The following NPLOC4 variants were observed in gnomAD, a reference collection of about 807,000 sequenced individuals.
The protein encoded by NPLOC4 is NPL4 homolog, ubiquitin recognition factor, also known as nuclear protein localization protein 4 homolog.
Under a neutral mutation model 80.6 loss-of-function variants are expected in NPLOC4, and 18 were observed. That is an observed-to-expected ratio of 0.22 (90% CI 0.15 to 0.33). The LOEUF (loss-of-function observed/expected upper bound fraction) is 0.33. NPLOC4 is among the 10% of genes least tolerant of loss of function. The probability of loss-of-function intolerance (pLI) is 1.00; values close to 1 mark genes in which losing one functional copy is unlikely to be tolerated. For synonymous variants in NPLOC4, 313 were observed against 301.5 expected (o/e 1.04, Z -0.39); for missense variants, 540 against 786.1 (o/e 0.69, Z 3.74).
In NPLOC4 at chr17:81,604,705, A is replaced by G. The variant is rs773073367; in HGVS notation, c.677T>C (p.Ile226Thr). 2 of 1,613,446 alleles carry G rather than the reference A, an allele frequency of 1.2e-6. No individual in the cohort carries two copies. The highest frequency in any genetic ancestry group is 1.7e-6 in the Non-Finnish European group (2 of 1,179,644). The change falls in exon 8 of 17, where the codon ATC becomes ACC. Residue 226 changes from isoleucine to threonine, a missense_variant. Ile to Thr is a moderately conservative substitution (Grantham distance 89). Transcript: ENST00000331134. ...NRQKYRHVDN[I>T]MFENHTVADR... ...AGCGACGGTGTGATTCTCAAACATG[A>G]TATTGTCCACATGCCTGTACTTCTG...
intron 3 of NPLOC4, among the ~76,000 whole-genome samples, chr17:81,615,044 C>T (rs1361310148): frequency 6.6e-6 from 1 of 151,538 alleles, no homozygotes; most frequent in African/African-American, 2.4e-5. Context: ...CCTCTTCCTC[C>T]CTAATTTGGG....
intron 11 of NPLOC4, among the ~76,000 whole-genome samples, 182 bp downstream of exon 11, chr17:81,595,934 A>G (rs2034897774): frequency 9.6e-6 from 1 of 104,126 alleles, no homozygotes; most frequent in Non-Finnish European, 2.2e-5. Flanking sequence ...TTGTGTTTAT[A>G]TAGTTTTATG....
chr17:81,581,346 C>T (rs1262069996), intron 12 of NPLOC4, among the ~76,000 whole-genome samples: 4 of 38,968 alleles, frequency 1.0e-4, no homozygotes, highest in Non-Finnish European at 1.4e-4. Context: ...CAGACTCCAA[C>T]GCAAAAAAAA....
At chr17:81,597,910 T>A (rs9913794) in intron 9 of NPLOC4, among the ~76,000 whole-genome samples, 2 of 149,800 alleles carry the variant, frequency 1.3e-5, no homozygotes, top group Admixed American at 6.7e-5. Context: ...CTGGCTAACA[T>A]GGTGAAATCC....
At chr17:81,585,665 G>C (rs536248068) in intron 12 of NPLOC4, among the ~76,000 whole-genome samples, 5 of 147,286 alleles carry the variant, frequency 3.4e-5, no homozygotes, top group Admixed American at 7.0e-5. Flanking sequence ...CATTTCTGGG[G>C]GGGGGGGGAA....
chr17:81,604,452 AAAC>A, intron 8 of NPLOC4, 93 bp downstream of exon 8: 1 of 1,162,194 alleles, frequency 8.6e-7, no homozygotes, highest in Non-Finnish European at 1.2e-6. Context: ...AAGGGGGAAC[AAAC>A]AACAAAGCGA....
In NPLOC4 at chr17:81,572,550, T is replaced by C. The variant is rs913440146; in HGVS notation, c.1282-462A>G. On this transcript the variant is annotated intron_variant, in intron 12 of 16. Transcript: ENST00000331134. The surrounding 1 kb of genome is among the most constrained non-coding windows in gnomAD (Gnocchi z 4.5). ...TGTATGGATAGCAGAAAGGAAAACG[T>C]GCATATTTTTGCAGTAAAACCACCT... 2.6e-5 allele frequency among the ~76,000 whole-genome samples: 4 copies of C among 152,344 alleles called. No homozygotes were observed. Among genetic ancestry groups the C allele is most frequent in the African/African-American group, 9.6e-5 (4 of 41,586 alleles).
At chr17:81,592,893 A>G (rs1185851770) in intron 11 of NPLOC4, among the ~76,000 whole-genome samples, 2 of 152,234 alleles carry the variant, frequency 1.3e-5, no homozygotes, top group Admixed American at 6.5e-5. Context: ...CTGAGGCACA[A>G]GAATCATTTG....
intron 7 of NPLOC4, among the ~76,000 whole-genome samples, chr17:81,605,076 T>C (rs2035165664): frequency 1.3e-5 from 2 of 150,564 alleles, no homozygotes; most frequent in Admixed American, 6.6e-5. Context: ...CTGACCAACA[T>C]GATGAAATCC....
intron 7 of NPLOC4, among the ~76,000 whole-genome samples, chr17:81,606,228 C>A (rs1486472858): frequency 6.6e-6 from 1 of 152,126 alleles, no homozygotes; most frequent in African/African-American, 2.4e-5. Context: ...TCTCTAAGGG[C>A]ACAGCGGCAG....
Position 81,608,719 on chromosome 17 carries a change from G to C in NPLOC4, c.530+9C>G, listed in dbSNP as rs768743032. On this transcript the variant is annotated intron_variant, in intron 6 of 16. Transcript: ENST00000331134. ...TTTACGCACAACCAGGTTACAGCAA[G>C]TTGCTTACTTGTCAGCCCCTCCAGT... 6.4e-7 allele frequency: 1 copy of C among 1,572,050 alleles called. No individual in the cohort carries two copies. The highest frequency in any genetic ancestry group is 1.2e-5 in the South Asian group (1 of 85,434).
intron 12 of NPLOC4, among the ~76,000 whole-genome samples, chr17:81,582,881 T>C (rs1219992213): frequency 6.6e-6 from 1 of 152,232 alleles, no homozygotes; most frequent in Non-Finnish European, 1.5e-5. Flanking sequence ...CTGCAGGCTC[T>C]TGGGGCTGAT....
intron 9 of NPLOC4, among the ~76,000 whole-genome samples, 157 bp from the exon 10 acceptor site, chr17:81,597,473 A>T (rs1904317006): frequency 1.3e-5 from 2 of 152,018 alleles, no homozygotes; most frequent in Non-Finnish European, 2.9e-5. Context: ...ATACAGTGAA[A>T]CCCCATCTCT....
intron 1 of NPLOC4, among the ~76,000 whole-genome samples, chr17:81,631,486 T>TTGGCAGATC (rs1418599798): frequency 7.0e-6 from 1 of 142,746 alleles, no homozygotes; most frequent in Non-Finnish European, 1.5e-5. Flanking sequence ...CCTAAAAAGG[T>TTGGCAGATC]TGGCAGATCT....
chr17:81,576,287 G>A (rs980732679), intron 12 of NPLOC4, among the ~76,000 whole-genome samples: 1 of 152,176 alleles, frequency 6.6e-6, no homozygotes, highest in African/African-American at 2.4e-5. Context: ...ATAGTTCTGG[G>A]GGAAAGAATT....
chr17:81,580,639 C>G lies in NPLOC4; in HGVS notation c.1281+8305G>C, dbSNP rs886556688. ...TCTGCCAATTGACACCTTCTCTCCCCTCTCAGGACTCGACCCACCAGGGCA... is the reference window on the plus strand; with the variant it reads ...TCTGCCAATTGACACCTTCTCTCCCGTCTCAGGACTCGACCCACCAGGGCA... On this transcript the variant is annotated intron_variant, in intron 12 of 16. Transcript: ENST00000331134. The surrounding 1 kb of genome is among the most constrained non-coding windows in gnomAD (Gnocchi z 4.4). Among the ~76,000 whole-genome samples the G allele has an allele frequency of 1.3e-5, 2 of 152,150 alleles. No individual in the cohort carries two copies. The highest frequency in any genetic ancestry group is 4.8e-5 in the African/African-American group (2 of 41,442).
intron 12 of NPLOC4, among the ~76,000 whole-genome samples, chr17:81,587,384 TGGCTC>T (rs1555681316): frequency 1.3e-5 from 2 of 151,762 alleles, no homozygotes; most frequent in African/African-American, 2.4e-5. Context: ...GGCACAATCT[TGGCTC>T]ATTGCAAGCT....
chr17:81,628,811 A>G (rs2035861809), intron 2 of NPLOC4, among the ~76,000 whole-genome samples: 1 of 152,176 alleles, frequency 6.6e-6, no homozygotes, highest in South Asian at 2.1e-4. Flanking sequence ...CCTGGACACA[A>G]TGCAGGTCAG....
rs1056498095 is a variant in NPLOC4 at position 81,608,733 on chromosome 17, A to G, written c.525T>C (p.Ala175=). 2.5e-6 allele frequency: 4 copies of G among 1,583,002 alleles called. No homozygotes were observed. In the African/African-American group the frequency reaches 4.0e-5, roughly 16 times the overall value. The change falls in exon 6 of 17, where the codon GCT becomes GCC. Residue 175 remains alanine, a synonymous_variant. Coordinates refer to ENST00000331134, the MANE Select transcript of NPLOC4 (RefSeq NM_017921.4). ...GGTTACAGCAAGTTGCTTACTTGTC[A>G]GCCCCTCCAGTCAGCTTCCGGATGT... ...HAYIRKLTGG[A]DKGKFVALEN... is the part of the protein sequence containing the mutation.
Sources: allele counts gnomAD v4.1 joint callset (sites outside exome capture counted in the v4.1 genomes callset), GRCh38; gene constraint gnomAD v4.1.1; non-coding constraint Gnocchi (gnomAD v3.1); transcripts MANE v1.5; gene names NCBI Gene and HGNC (gene_info 2026-07-23, HGNC 2026-07-21).